Variants in BACH2 observed in about 807,000 individuals in gnomAD.
BACH2 encodes the protein transcription regulator protein BACH2.
BACH2 carries 5 observed loss-of-function variants against 61.8 expected under a neutral mutation model. The ratio of observed to expected loss-of-function variants is 0.08; its 90% CI spans 0.04 to 0.17. The LOEUF (loss-of-function observed/expected upper bound fraction) is 0.17. Ranked by LOEUF, BACH2 falls within the 10% of genes least tolerant of loss-of-function variation. The pLI is 1.00. For synonymous variants in BACH2, 446 were observed against 440.1 expected (o/e 1.01, Z -0.17); for missense variants, 824 against 1,091.1 (o/e 0.76, Z 3.45).
intron 3 of BACH2, among the ~76,000 whole-genome samples, chr6:90,251,404 CT>C (rs1770804045): frequency 6.6e-6 from 1 of 152,092 alleles, no homozygotes; most frequent in Admixed American, 6.6e-5. Context: ...ATTACTGAAA[CT>C]GTAAATATTT....
At chr6:90,195,299 G>C (rs893566230) in intron 4 of BACH2, among the ~76,000 whole-genome samples, 1 of 152,168 alleles carries the variant, frequency 6.6e-6, no homozygotes, top group Non-Finnish European at 1.5e-5. Flanking sequence ...ATTACACCAA[G>C]AAGCAGACAG....
rs192062827 is a variant in BACH2, at chr6:90,153,780, T to C, written c.-162+52789A>G. On this transcript the variant is annotated intron_variant, in intron 4 of 8. Transcript: ENST00000257749. ...GTGAGGAAATAAAACACTCCTTCTA[T>C]GTTATGGAACCTAGAGAAAATAATT... Among the ~76,000 whole-genome samples, 16 of 152,324 alleles carry C rather than the reference T, an allele frequency of 1.1e-4. No homozygotes were observed. In the East Asian group the frequency reaches 3.1e-3, roughly 29 times the overall value.
chr6:90,048,944 C>T (rs1779912242), intron 5 of BACH2, among the ~76,000 whole-genome samples: 1 of 152,126 alleles, frequency 6.6e-6, no homozygotes, highest in African/African-American at 2.4e-5. Context: ...AAGGGGTAAA[C>T]AGAACCCAAC....
At chr6:90,058,410 T>A (rs1357064607) in intron 5 of BACH2, among the ~76,000 whole-genome samples, 3 of 152,304 alleles carry the variant, frequency 2.0e-5, no homozygotes, top group South Asian at 2.1e-4. Flanking sequence ...GGAATCCAAC[T>A]TACAAGGGAT....
intron 6 of BACH2, among the ~76,000 whole-genome samples, chr6:89,964,294 G>C (rs940618067): frequency 2.2e-4 from 34 of 151,456 alleles, no homozygotes; most frequent in African/African-American, 7.8e-4. Context: ...AAGAAAAAGA[G>C]GGGGAGTTGT....
intron 4 of BACH2, among the ~76,000 whole-genome samples, chr6:90,187,948 G>A (rs2127843560): frequency 6.6e-6 from 1 of 152,300 alleles, no homozygotes; most frequent in East Asian, 1.9e-4. Flanking sequence ...GAGCACAAGT[G>A]CCCCAGTGCT....
At chr6:90,071,586 A>G (rs763836081) in intron 5 of BACH2, among the ~76,000 whole-genome samples, 3 of 152,194 alleles carry the variant, frequency 2.0e-5, no homozygotes, top group Non-Finnish European at 4.4e-5. Flanking sequence ...TCTCTTTTCA[A>G]TTCCTTTCTT....
chr6:89,942,151 A>C (rs1420016754), intron 7 of BACH2, among the ~76,000 whole-genome samples: 1 of 148,450 alleles, frequency 6.7e-6, no homozygotes, highest in Non-Finnish European at 1.5e-5. Context: ...ACTTATGTTC[A>C]CTGACATGCG....
intron 4 of BACH2, among the ~76,000 whole-genome samples, chr6:90,185,901 G>A (rs1260815426): frequency 6.6e-6 from 1 of 152,182 alleles, no homozygotes; most frequent in Non-Finnish European, 1.5e-5. Context: ...AATGTAGTTG[G>A]TTCTTTTTCA....
intron 6 of BACH2, among the ~76,000 whole-genome samples, chr6:89,969,432 C>T (rs752062600): frequency 6.6e-6 from 1 of 152,154 alleles, no homozygotes; most frequent in Non-Finnish European, 1.5e-5. Context: ...ATAATTGATG[C>T]TGACCTATCC....
At chr6:90,253,637 T>G (rs1437228901) in intron 2 of BACH2, among the ~76,000 whole-genome samples, 1 of 152,188 alleles carries the variant, frequency 6.6e-6, no homozygotes, top group Non-Finnish European at 1.5e-5. Flanking sequence ...GTATCATGTA[T>G]TGAAGAGTTA....
Position 89,950,156 on chromosome 6 carries a change from T to C in BACH2, c.1836+114A>G. The C allele has an allele frequency of 8.0e-7, 1 of 1,253,612 alleles. No homozygotes were observed. Among genetic ancestry groups the C allele is most frequent in the South Asian group, 1.2e-5 (1 of 82,132 alleles). The allele number at this position is 1,253,612 out of a possible 1,614,324, so 77.7% of individuals were successfully genotyped here. On this transcript the variant is annotated intron_variant, in intron 7 of 8. Coordinates refer to ENST00000257749, the MANE Select transcript of BACH2 (RefSeq NM_021813.4). The surrounding 1 kb of genome is among the most constrained non-coding windows in gnomAD (Gnocchi z 5.3). ...GATGGGGAAGGCAGTCTCTCTACTGTCATCTTTAATCTTAGCACGTAAGAA... is the reference window on the plus strand; with the variant it reads ...GATGGGGAAGGCAGTCTCTCTACTGCCATCTTTAATCTTAGCACGTAAGAA...
At chr6:89,994,021 C>T (rs929426356) in intron 6 of BACH2, among the ~76,000 whole-genome samples, 1 of 152,078 alleles carries the variant, frequency 6.6e-6, no homozygotes, top group African/African-American at 2.4e-5. Flanking sequence ...GGAGATATTC[C>T]ATACTCAACC....
In BACH2 at chr6:90,147,468, C is replaced by T. The variant is rs569842073; in HGVS notation, c.-161-58359G>A. 1.2e-4 allele frequency among the ~76,000 whole-genome samples: 18 copies of T among 152,264 alleles called. No individual in the cohort carries two copies. The East Asian group carries it at 2.9e-3, about 25-fold the overall frequency. ...TAACAGTACACTTGGAGAGCCGTTC[C>T]GCGGCAGCCACTCGCTGGTATCCTG... On this transcript the variant is annotated intron_variant, in intron 4 of 8. Coordinates refer to ENST00000257749, the MANE Select transcript of BACH2 (RefSeq NM_021813.4).
At chr6:89,990,231 T>C (rs1776469406) in intron 6 of BACH2, among the ~76,000 whole-genome samples, 1 of 152,210 alleles carries the variant, frequency 6.6e-6, no homozygotes, top group South Asian at 2.1e-4. Context: ...CGGTGCAAAC[T>C]GGGAGTTAAC....
intron 6 of BACH2, among the ~76,000 whole-genome samples, chr6:89,975,271 G>A (rs895457633): frequency 1.3e-5 from 2 of 152,192 alleles, no homozygotes; most frequent in African/African-American, 4.8e-5. Flanking sequence ...AATGAATATT[G>A]TATTTCTACT....
intron 3 of BACH2, among the ~76,000 whole-genome samples, chr6:90,231,024 CCTCT>C (rs1164598131): frequency 2.6e-5 from 4 of 152,144 alleles, no homozygotes; most frequent in African/African-American, 4.8e-5. Context: ...TTGCTTCCTT[CCTCT>C]CTCTGCCGAA....
Position 90,239,846 on chromosome 6 carries a change from C to T in BACH2, c.-275+12667G>A, listed in dbSNP as rs1233773216. On this transcript the variant is annotated intron_variant, in intron 3 of 8. Coordinates refer to ENST00000257749, the MANE Select transcript of BACH2 (RefSeq NM_021813.4). ...ACACACACACACACACACACACACG[C>T]TGACTATTCACATACAGAAATATAT... is the stretch of plus-strand genomic sequence containing the variant. 6.3e-5 allele frequency among the ~76,000 whole-genome samples: 9 copies of T among 142,756 alleles called. No individual in the cohort carries two copies. In the South Asian group the frequency reaches 1.6e-3, roughly 26 times the overall value. 93.7% of individuals were successfully genotyped at this position (142,756 alleles called of 152,430 possible). A position where few individuals can be genotyped will look rare whatever the true frequency, so the allele number is the denominator to read the frequency against.
intron 4 of BACH2, among the ~76,000 whole-genome samples, chr6:90,097,457 C>T (rs1181854700): frequency 2.0e-5 from 3 of 152,106 alleles, no homozygotes; most frequent in Non-Finnish European, 2.9e-5. Flanking sequence ...TCCCAGGTCC[C>T]ATAGCCAGTG....
Sources: allele counts gnomAD v4.1 joint callset (sites outside exome capture counted in the v4.1 genomes callset), GRCh38; gene constraint gnomAD v4.1.1; non-coding constraint Gnocchi (gnomAD v3.1); transcripts MANE v1.5; gene names NCBI Gene and HGNC (gene_info 2026-07-23, HGNC 2026-07-21).